FRMD6: variants seen among roughly 807,000 people sequenced by gnomAD.
FRMD6 encodes FERM domain containing 6.
FRMD6 carries 37 observed loss-of-function variants against 73.2 expected under a neutral mutation model. That is an observed-to-expected ratio of 0.51 (90% confidence interval 0.39 to 0.66). The LOEUF is 0.66. FRMD6 is among the 30% of genes least tolerant of loss of function. The probability of loss-of-function intolerance (pLI) is 0.00; values close to 1 mark genes in which losing one functional copy is unlikely to be tolerated. For synonymous variants in FRMD6, 273 were observed against 282.2 expected, an observed-to-expected ratio of 0.97 and a Z score of 0.33; for missense variants, 714 against 780.5, an observed-to-expected ratio of 0.91 and a Z score of 1.02.
intron 2 of FRMD6, among the ~76,000 whole-genome samples, chr14:51,611,853 G>C (rs1413439838): frequency 6.6e-6 from 1 of 151,992 alleles, no homozygotes; most frequent in Non-Finnish European, 1.5e-5. Context: ...CTATTATGTA[G>C]CCATGAAACA....
At chr14:51,635,721 G>T (rs1040507000) in intron 2 of FRMD6, among the ~76,000 whole-genome samples, 3 of 152,138 alleles carry the variant, frequency 2.0e-5, no homozygotes, top group Non-Finnish European at 4.4e-5. Flanking sequence ...TTTTAAAAGT[G>T]ATAAATAAAT....
Position 51,672,788 on chromosome 14 carries a change from T to G in FRMD6, c.-146-16903T>G, listed in dbSNP as rs542834631. Among the ~76,000 whole-genome samples the G allele has an allele frequency of 3.3e-5, 5 of 152,346 alleles. No individual in the cohort carries two copies. The East Asian group carries it at 9.6e-4, about 29-fold the overall frequency. On this transcript the variant is annotated intron_variant, in intron 1 of 13. Coordinates refer to ENST00000344768, the MANE Select transcript of FRMD6 (RefSeq NM_001267046.2). ...CATCTTATCTATGTTTTCGAATTTA[T>G]TAATGTAAAATTATTCATAATAGTC...
intron 2 of FRMD6, among the ~76,000 whole-genome samples, chr14:51,594,281 C>T (rs374110491): frequency 1.3e-5 from 2 of 150,816 alleles, no homozygotes; most frequent in African/African-American, 4.9e-5. Flanking sequence ...TGCACCACCA[C>T]GCCCAGCTAA....
chr14:51,725,938 C>T, intron 13 of FRMD6, 68 bp downstream of exon 13: 2 of 1,107,462 alleles, frequency 1.8e-6, no homozygotes, highest in South Asian at 1.3e-5. Context: ...TAGTAACTTA[C>T]ATTTATACAA....
At chr14:51,525,781 T>C (rs1596539435) in intron 1 of FRMD6, among the ~76,000 whole-genome samples, 1 of 152,148 alleles carries the variant, frequency 6.6e-6, no homozygotes, top group Non-Finnish European at 1.5e-5. Flanking sequence ...AACTGGAAAG[T>C]TGTAAAATAG....
intron 10 of FRMD6, among the ~76,000 whole-genome samples, chr14:51,715,893 G>C (rs1014630309): frequency 6.6e-6 from 1 of 152,184 alleles, no homozygotes; most frequent in South Asian, 2.1e-4. Flanking sequence ...ATTATCCACA[G>C]GTGGTCTGGA....
the FRMD6 span, among the ~76,000 whole-genome samples, chr14:51,429,630 C>T: frequency 3.3e-5 from 5 of 152,104 alleles, no homozygotes; most frequent in Admixed American, 6.6e-5. Context: ...AATTAAGTGT[C>T]GTGGGCTTTT....
intron 2 of FRMD6, among the ~76,000 whole-genome samples, chr14:51,644,154 C>T (rs374307417): frequency 6.6e-6 from 1 of 151,844 alleles, no homozygotes; most frequent in Admixed American, 6.6e-5. Flanking sequence ...ATTAATTATA[C>T]CATACATTGA....
chr14:51,493,425 G>A (rs897803893), intron 1 of FRMD6, among the ~76,000 whole-genome samples: 8 of 152,108 alleles, frequency 5.3e-5, no homozygotes, highest in Non-Finnish European at 8.8e-5. Context: ...TTCCTGTGCC[G>A]TTCTTGTGAT....
intron 2 of FRMD6, among the ~76,000 whole-genome samples, chr14:51,589,894 C>G (rs1889282457): frequency 6.6e-6 from 1 of 152,066 alleles, no homozygotes. Context: ...CATGGGGAAA[C>G]CCCGTCCTAC....
chr14:51,465,542 G>T, the FRMD6 span, among the ~76,000 whole-genome samples: 1 of 152,276 alleles, frequency 6.6e-6, no homozygotes, highest in East Asian at 1.9e-4. Flanking sequence ...AATAAGCATA[G>T]TCATCATGCT....
intron 1 of FRMD6, among the ~76,000 whole-genome samples, chr14:51,658,203 G>T (rs1892975010): frequency 6.6e-6 from 1 of 152,224 alleles, no homozygotes; most frequent in Non-Finnish European, 1.5e-5. Context: ...GCTCTGTTCA[G>T]ATAGACTCAG....
intron 1 of FRMD6, among the ~76,000 whole-genome samples, chr14:51,534,793 G>A (rs533877877): frequency 2.0e-5 from 3 of 152,286 alleles, no homozygotes; most frequent in Admixed American, 6.5e-5. Context: ...TCATTTGTGT[G>A]ACCCCAAAGG....
chr14:51,449,890 T>G, the FRMD6 span, among the ~76,000 whole-genome samples: 1 of 152,216 alleles, frequency 6.6e-6, no homozygotes, highest in East Asian at 1.9e-4. Flanking sequence ...TTCCTCTGCC[T>G]AGAAATCTGC....
At chr14:51,442,240 A>T in the FRMD6 span, among the ~76,000 whole-genome samples, 19 of 152,178 alleles carry the variant, frequency 1.2e-4, no homozygotes, top group East Asian at 3.7e-3. Flanking sequence ...TAGGTTAGGG[A>T]TCCCTTCTCC....
At chr14:51,677,305 G>A (rs1216365398) in intron 1 of FRMD6, among the ~76,000 whole-genome samples, 2 of 152,058 alleles carry the variant, frequency 1.3e-5, no homozygotes, top group Non-Finnish European at 2.9e-5. Flanking sequence ...GGGAAAATAA[G>A]TAAAGTTAAT....
the FRMD6 span, among the ~76,000 whole-genome samples, chr14:51,418,688 G>A: frequency 0.2 from 30,925 of 152,086 alleles, 3,681 homozygotes; most frequent in East Asian, 0.5. Context: ...CACTGTGCTG[G>A]GAGAACCACT....
intron 2 of FRMD6, among the ~76,000 whole-genome samples, chr14:51,633,979 G>C (rs1265189521): frequency 6.6e-6 from 1 of 151,926 alleles, no homozygotes; most frequent in East Asian, 1.9e-4. Context: ...TGTGATGGCA[G>C]GTTTACAGAA....
At chr14:51,456,799 A>T in the FRMD6 span, among the ~76,000 whole-genome samples, 1 of 152,238 alleles carries the variant, frequency 6.6e-6, no homozygotes, top group Non-Finnish European at 1.5e-5. Context: ...ATATATACAC[A>T]ATGGAGTACT....
Sources: gnomAD v4.1 joint callset for allele counts (sites outside exome capture counted in the v4.1 genomes callset) on GRCh38, gnomAD v4.1.1 for gene constraint, MANE v1.5 for transcripts, NCBI Gene and HGNC (gene_info 2026-07-23, HGNC 2026-07-21) for gene names.